CSK: variants seen among roughly 807,000 people sequenced by gnomAD.
The protein encoded by CSK is C-terminal Src kinase.
A neutral mutation model predicts 62.3 loss-of-function variants in CSK; 7 were observed. That is an observed-to-expected ratio of 0.11 (90% CI 0.06 to 0.21). The LOEUF (loss-of-function observed/expected upper bound fraction) is 0.21. Among genes scored for constraint, CSK ranks in the 10% least tolerant of loss-of-function variants. CSK has a pLI of 1.00. For synonymous variants in CSK, 237 were observed against 246.0 expected (o/e 0.96, Z 0.34); for missense variants, 294 against 613.5 (o/e 0.48, Z 5.50).
rs543861768 is a variant in CSK, at chr15:74,790,384, A to G, written c.-66+7664A>G. Among the ~76,000 whole-genome samples, 7 of 152,248 alleles carry G rather than the reference A, an allele frequency of 4.6e-5. No individual in the cohort carries two copies. In the South Asian group the frequency reaches 1.2e-3, roughly 27 times the overall value. On this transcript the variant is annotated intron_variant, in intron 1 of 12. Coordinates refer to ENST00000220003, the MANE Select transcript of CSK (RefSeq NM_004383.3). The stretch of plus-strand genomic sequence containing the variant: ...TCTACAGCTGCTTCCAGGGTAGGAA[A>G]AGGGCAGCCTGGGAGTTTCTGGGCT...
At chr15:74,790,344 G>A (rs1273308356) in intron 1 of CSK, among the ~76,000 whole-genome samples, 3 of 152,240 alleles carry the variant, frequency 2.0e-5, no homozygotes, top group African/African-American at 4.8e-5. Context: ...CTCAGCACGT[G>A]CCTGGCCTTG....
At chr15:74,783,770 T>C (rs2063474090) in intron 1 of CSK, among the ~76,000 whole-genome samples, 1 of 152,200 alleles carries the variant, frequency 6.6e-6, no homozygotes, top group Non-Finnish European at 1.5e-5. Flanking sequence ...CTGTGTGGTG[T>C]GGCAGGAAGG....
chr15:74,797,625 T>C (rs2063726963), intron 1 of CSK, among the ~76,000 whole-genome samples: 1 of 152,188 alleles, frequency 6.6e-6, no homozygotes, highest in South Asian at 2.1e-4. Context: ...GTAGTCCCTT[T>C]TGTGAATATG....
intron 1 of CSK, among the ~76,000 whole-genome samples, chr15:74,796,068 A>C (rs2063700389): frequency 6.6e-6 from 1 of 152,058 alleles, no homozygotes; most frequent in Non-Finnish European, 1.5e-5. Flanking sequence ...AAATACAAAA[A>C]TTGGTCTGCT....
chr15:74,789,673 C>T (rs1326119832), intron 1 of CSK, among the ~76,000 whole-genome samples: 1 of 152,210 alleles, frequency 6.6e-6, no homozygotes, highest in Non-Finnish European at 1.5e-5. Context: ...TTCATTAACT[C>T]GCTCTGTACC....
intron 1 of CSK, among the ~76,000 whole-genome samples, chr15:74,784,415 A>AT (rs200737751): frequency 0.014 from 2,182 of 150,926 alleles, 22 homozygotes; most frequent in Admixed American, 0.021. Context: ...ATTTTATTTT[A>AT]TTTTTTTACC....
intron 1 of CSK, among the ~76,000 whole-genome samples, chr15:74,796,969 C>G (rs1567217808): frequency 6.6e-6 from 1 of 152,060 alleles, no homozygotes; most frequent in Non-Finnish European, 1.5e-5. Flanking sequence ...GAGGCAGGGT[C>G]TCACTCTGTC....
Position 74,802,543 on chromosome 15 carries a change from G to C in CSK, c.*30G>C. On this transcript the variant is annotated 3_prime_UTR_variant, in exon 13 of 13. Transcript: ENST00000220003. The stretch of plus-strand genomic sequence containing the variant: ...TGGCCTCCGCCTGGGTCATGGGCCT[G>C]TGGGGACTGAACCTGGAAGATCATG... 2 of 1,605,826 alleles carry C rather than the reference G, an allele frequency of 1.2e-6. No individual in the cohort carries two copies. Among genetic ancestry groups the C allele is most frequent in the Non-Finnish European group, 1.7e-6 (2 of 1,178,044 alleles).
At chr15:74,800,645 A>C in intron 6 of CSK, 36 bp from the exon 7 acceptor site, 1 of 1,537,974 alleles carries the variant, frequency 6.5e-7, no homozygotes, top group Non-Finnish European at 8.8e-7. Flanking sequence ...CCATGTCCCT[A>C]GTGGCCTCCA....
chr15:74,785,619 C>T (rs1258083167), intron 1 of CSK, among the ~76,000 whole-genome samples: 1 of 152,206 alleles, frequency 6.6e-6, no homozygotes, highest in Non-Finnish European at 1.5e-5. Context: ...TCTAAAGTGC[C>T]TGGCACAGCC....
intron 1 of CSK, among the ~76,000 whole-genome samples, chr15:74,792,464 A>G (rs1456737568): frequency 6.6e-6 from 1 of 152,208 alleles, no homozygotes; most frequent in Non-Finnish European, 1.5e-5. Context: ...TCACACAGCA[A>G]GTTGATGGCA....
rs758375410 is a variant in CSK, at chr15:74,798,248, G to C, written c.-50G>C. The C allele has an allele frequency of 4.6e-6, 7 of 1,537,502 alleles. No homozygotes were observed. The Admixed American group carries it at 1.2e-4, about 27-fold the overall frequency. On this transcript the variant is annotated 5_prime_UTR_variant, in exon 2 of 13. Transcript: ENST00000220003. The surrounding 1 kb of genome is among the most constrained non-coding windows in gnomAD (Gnocchi z 6.6). ...TTCCCCACAGCTCTAATGGTACCAAGTGACAGGTTGGCTTTACTGTGACTC... is the reference window on the plus strand; with the variant it reads ...TTCCCCACAGCTCTAATGGTACCAACTGACAGGTTGGCTTTACTGTGACTC...
chr15:74,795,982 C>G (rs1005640163), intron 1 of CSK, among the ~76,000 whole-genome samples: 3 of 152,140 alleles, frequency 2.0e-5, no homozygotes, highest in African/African-American at 4.8e-5. Flanking sequence ...CATTGGGAGG[C>G]TGGGGCAGGC....
rs1240864009 is a variant in CSK at position 74,782,510 on chromosome 15, C to T, written c.-276C>T. The stretch of plus-strand genomic sequence containing the variant: ...GACTCCCTCCCGCCCCCTTCCCCCG[C>T]CTTTCTTCCCTCCGCGACCCGGGCC... On this transcript the variant is annotated 5_prime_UTR_variant, in exon 1 of 13. Transcript: ENST00000220003. The surrounding 1 kb of genome is among the most constrained non-coding windows in gnomAD (Gnocchi z 5.7). 1 of 152,020 alleles carries T rather than the reference C, an allele frequency of 6.6e-6. No individual in the cohort carries two copies. 9.4% of individuals were successfully genotyped at this position (152,020 alleles called of 1,614,324 possible). A position where few individuals can be genotyped will look rare whatever the true frequency, so the allele number is the denominator to read the frequency against.
chr15:74,798,505 C>G lies in CSK; in HGVS notation c.16-110C>G, dbSNP rs1216463914. On this transcript the variant is annotated intron_variant, in intron 2 of 12. Coordinates refer to ENST00000220003, the MANE Select transcript of CSK (RefSeq NM_004383.3). The surrounding 1 kb of genome is among the most constrained non-coding windows in gnomAD (Gnocchi z 6.6). ...AGGGCTCGTTCTCCGGGCAGAGCACCTCACCCAGGCTCACAGAGGCCAGCT... is the reference window on the plus strand; with the variant it reads ...AGGGCTCGTTCTCCGGGCAGAGCACGTCACCCAGGCTCACAGAGGCCAGCT... 3 of 1,239,246 alleles carry G rather than the reference C, an allele frequency of 2.4e-6. No homozygotes were observed. Among genetic ancestry groups the G allele is most frequent in the African/African-American group, 1.5e-5 (1 of 66,936 alleles). 76.8% of individuals were successfully genotyped at this position (1,239,246 alleles called of 1,614,324 possible). A position where few individuals can be genotyped will look rare whatever the true frequency, so the allele number is the denominator to read the frequency against.
chr15:74,784,777 C>T (rs1304366808), intron 1 of CSK, among the ~76,000 whole-genome samples: 1 of 152,156 alleles, frequency 6.6e-6, no homozygotes, highest in Non-Finnish European at 1.5e-5. Context: ...CCAAAGGGGG[C>T]AGACCCACCT....
chr15:74,787,125 G>A (rs577479662), intron 1 of CSK, among the ~76,000 whole-genome samples: 5 of 152,304 alleles, frequency 3.3e-5, no homozygotes, highest in South Asian at 2.1e-4. Context: ...CCCAACGCCC[G>A]GCAGGGAGCA....
intron 1 of CSK, among the ~76,000 whole-genome samples, chr15:74,789,306 C>G (rs896987576): frequency 2.6e-5 from 4 of 152,240 alleles, no homozygotes; most frequent in African/African-American, 9.6e-5. Flanking sequence ...CTCCAAGACC[C>G]TGGCGCCCAA....
chr15:74,802,416 T>C lies in CSK; in HGVS notation c.1256T>C (p.Met419Thr). ...TGCCCGCCCGCAGTCTATGAAGTCA[T>C]GAAGAACTGCTGGCACCTGGACGCC... ...DGCPPAVYEV[M>T]KNCWHLDAAM... The change falls in exon 13 of 13, where the codon ATG becomes ACG. Residue 419 changes from methionine to threonine, a missense_variant. By Grantham distance (81) the Met-to-Thr change is moderately conservative. Around this residue, in one of 3 missense-constraint regions of CSK, gnomAD observed 66 missense variants for 99.3 expected, o/e 0.66. Transcript: ENST00000220003. 1 of 1,612,976 alleles carries C rather than the reference T, an allele frequency of 6.2e-7. No homozygotes were observed. The highest frequency in any genetic ancestry group is 8.5e-7 in the Non-Finnish European group (1 of 1,179,850).
Sources: allele counts gnomAD v4.1 joint callset (sites outside exome capture counted in the v4.1 genomes callset), GRCh38; gene constraint gnomAD v4.1.1; regional missense constraint gnomAD v4.1.1; non-coding constraint Gnocchi (gnomAD v3.1); transcripts MANE v1.5; gene names NCBI Gene and HGNC (gene_info 2026-07-23, HGNC 2026-07-21).